The following RASAL2 variants were observed in gnomAD, a reference collection of about 807,000 sequenced individuals.
RASAL2 encodes the protein ras GTPase-activating protein nGAP.
In RASAL2, 58 loss-of-function variants were observed where a neutral mutation model predicts 128.9. That is an observed-to-expected ratio of 0.45 (90% CI 0.36 to 0.56). The LOEUF is 0.56. RASAL2 is among the 20% of genes least tolerant of loss of function. The probability of loss-of-function intolerance (pLI) is 0.00; values close to 1 mark genes in which losing one functional copy is unlikely to be tolerated. For synonymous variants in RASAL2, 561 were observed against 580.8 expected (o/e 0.97, Z 0.49); for missense variants, 1,360 against 1,601.6 (o/e 0.85, Z 2.57).
At chr1:178,463,000 G>A (rs1005393312) in intron 14 of RASAL2, among the ~76,000 whole-genome samples, 2 of 152,048 alleles carry the variant, frequency 1.3e-5, no homozygotes, top group Non-Finnish European at 2.9e-5. Context: ...TTTAGTCTCT[G>A]CAATCAGTTT....
intron 10 of RASAL2, 22 bp from the exon 11 acceptor site, chr1:178,452,394 T>C: frequency 1.3e-6 from 2 of 1,596,502 alleles, no homozygotes; most frequent in South Asian, 1.1e-5. Context: ...TTAGAGGTTT[T>C]GGTACTTCTT....
chr1:178,340,945 G>C (rs930362350), intron 3 of RASAL2, among the ~76,000 whole-genome samples: 2 of 152,044 alleles, frequency 1.3e-5, no homozygotes, highest in Admixed American at 6.6e-5. Flanking sequence ...TGAATTAAGG[G>C]CTTTAGGGAA....
At chr1:178,416,550 T>C (rs888555266) in intron 4 of RASAL2, among the ~76,000 whole-genome samples, 3 of 152,092 alleles carry the variant, frequency 2.0e-5, no homozygotes, top group Non-Finnish European at 2.9e-5. Flanking sequence ...TTATTCCTTT[T>C]ATACTCTTTG....
intron 1 of RASAL2, among the ~76,000 whole-genome samples, chr1:178,236,043 C>T (rs887782958): frequency 6.6e-6 from 1 of 151,890 alleles, no homozygotes; most frequent in Non-Finnish European, 1.5e-5. Flanking sequence ...CCTACTTTCT[C>T]CTGCCTACCA....
chr1:178,164,804 C>A (rs934299730), intron 1 of RASAL2, among the ~76,000 whole-genome samples: 4 of 132,850 alleles, frequency 3.0e-5, no homozygotes, highest in African/African-American at 8.6e-5. Context: ...TTAGAACATA[C>A]GCTTTGTTCA....
At chr1:178,353,000 T>C (rs1436407017) in intron 3 of RASAL2, among the ~76,000 whole-genome samples, 1 of 152,228 alleles carries the variant, frequency 6.6e-6, no homozygotes, top group Admixed American at 6.5e-5. Context: ...TTCTTGGGCT[T>C]ACAGGCCTGT....
At chr1:178,115,816 G>T (rs1159101136) in intron 1 of RASAL2, among the ~76,000 whole-genome samples, 1 of 152,192 alleles carries the variant, frequency 6.6e-6, no homozygotes, top group Non-Finnish European at 1.5e-5. Flanking sequence ...TAGGGAGATG[G>T]TAGAGAAAAG....
intron 3 of RASAL2, among the ~76,000 whole-genome samples, chr1:178,378,846 G>A (rs1252176): frequency 0.99 from 150,413 of 152,234 alleles, 74,319 homozygotes; most frequent in East Asian, 1. Context: ...TGAGCTAAGC[G>A]TTTAACTCAA....
intron 5 of RASAL2, among the ~76,000 whole-genome samples, chr1:178,438,881 C>CGGTGTGTGTG (rs1553233716): frequency 7.7e-6 from 1 of 129,392 alleles, no homozygotes; most frequent in East Asian, 2.7e-4. Flanking sequence ...AGCTTCGACT[C>CGGTGTGTGTG]TGTGTGTGTG....
intron 5 of RASAL2, among the ~76,000 whole-genome samples, chr1:178,422,040 ATGT>A (rs1299946085): frequency 6.6e-6 from 1 of 152,104 alleles, no homozygotes; most frequent in Non-Finnish European, 1.5e-5. Context: ...AAGAACAAAA[ATGT>A]TGTGCAGCAA....
chr1:178,331,503 T>C (rs773308216), intron 3 of RASAL2, among the ~76,000 whole-genome samples: 1 of 152,062 alleles, frequency 6.6e-6, no homozygotes, highest in Non-Finnish European at 1.5e-5. Context: ...CTATATGGGG[T>C]TTTTGTTGCT....
At chr1:178,360,864 TAG>T (rs1671071884) in intron 3 of RASAL2, among the ~76,000 whole-genome samples, 1 of 152,200 alleles carries the variant, frequency 6.6e-6, no homozygotes, top group Non-Finnish European at 1.5e-5. Context: ...AAGAAAATAA[TAG>T]AGTTTTATCC....
In RASAL2 at chr1:178,465,972, G is replaced by T; in HGVS notation, c.3440G>T (p.Arg1147Leu). ...LKERLRVSSRRLEEYERRLLV... is the reference protein window; with the variant it reads ...LKERLRVSSRLLEEYERRLLV... ...GAGCGCCTGAGAGTTTCCAGCCGGC[G>T]ACTGGAGGAATATGAACGCCGCTTG... The change falls in exon 16 of 18, where the codon CGA becomes CTA. Residue 1147 changes from arginine to leucine, a missense_variant. By Grantham distance (102) the Arg-to-Leu change is moderately radical. This residue lies in a region of RASAL2 where 741 missense variants were observed against 868.6 expected (regional missense o/e 0.85). Coordinates refer to ENST00000367649, the MANE Select transcript of RASAL2 (RefSeq NM_170692.4). The T allele has an allele frequency of 1.3e-6, 2 of 1,556,906 alleles. No individual in the cohort carries two copies. The highest frequency in any genetic ancestry group is 2.4e-5 in the South Asian group (2 of 84,356).
At chr1:178,302,963 G>A (rs1233926666) in intron 3 of RASAL2, among the ~76,000 whole-genome samples, 1 of 151,986 alleles carries the variant, frequency 6.6e-6, no homozygotes, top group Non-Finnish European at 1.5e-5. Flanking sequence ...GTTGCAGTGA[G>A]CCAAGATTGA....
At chr1:178,223,298 G>A (rs1663681190) in intron 1 of RASAL2, among the ~76,000 whole-genome samples, 1 of 152,186 alleles carries the variant, frequency 6.6e-6, no homozygotes, top group Non-Finnish European at 1.5e-5. Context: ...ATGGAGAGAT[G>A]CATTGGGCTG....
At chr1:178,407,393 T>C (rs1402809511) in intron 4 of RASAL2, among the ~76,000 whole-genome samples, 2 of 152,230 alleles carry the variant, frequency 1.3e-5, no homozygotes, top group Admixed American at 6.5e-5. Context: ...TCCTAAGTTA[T>C]ATTGAGAGCA....
Position 178,433,187 on chromosome 1 carries a change from C to G in RASAL2, c.675-6235C>G, listed in dbSNP as rs532691767. ...ACAGCCTTGCATACTGTCATACAGG[C>G]CTTTTCACATGCTATCCATTTTCTG... On this transcript the variant is annotated intron_variant, in intron 5 of 17. Transcript: ENST00000367649. Among the ~76,000 whole-genome samples, 4 of 152,206 alleles carry G rather than the reference C, an allele frequency of 2.6e-5. No homozygotes were observed. The South Asian group carries it at 8.3e-4, about 32-fold the overall frequency.
intron 1 of RASAL2, among the ~76,000 whole-genome samples, chr1:178,203,372 A>G (rs535522432): frequency 6.6e-5 from 10 of 152,288 alleles, no homozygotes; most frequent in South Asian, 2.1e-4. Flanking sequence ...TACAATTACA[A>G]TGCCATCTAG....
chr1:178,246,323 G>A (rs1482570927), intron 1 of RASAL2, among the ~76,000 whole-genome samples: 1 of 151,972 alleles, frequency 6.6e-6, no homozygotes, highest in Non-Finnish European at 1.5e-5. Flanking sequence ...TACTTTCTTT[G>A]TAGCAATTGT....
Sources: gnomAD v4.1 joint callset for allele counts (sites outside exome capture counted in the v4.1 genomes callset) on GRCh38, gnomAD v4.1.1 for gene constraint, gnomAD v4.1.1 regional missense constraint, MANE v1.5 for transcripts, NCBI Gene and HGNC (gene_info 2026-07-23, HGNC 2026-07-21) for gene names.